Variants in ADAMTS17 observed in about 807,000 individuals in gnomAD.
ADAMTS17 encodes ADAM metallopeptidase with thrombospondin type 1 motif 17, also known as A disintegrin and metalloproteinase with thrombospondin motifs 17.
Under a neutral mutation model 141.5 loss-of-function variants are expected in ADAMTS17, and 113 were observed. That is an observed-to-expected ratio of 0.80 (90% CI 0.69 to 0.93). ADAMTS17 has a LOEUF of 0.93. ADAMTS17 is among the 40% of genes least tolerant of loss of function. ADAMTS17 has a pLI of 0.00. For synonymous variants in ADAMTS17, 768 were observed against 630.6 expected (o/e 1.22, Z -3.27); for missense variants, 1,659 against 1,517.9 (o/e 1.09, Z -1.54).
chr15:99,988,511 C>T (rs2060633460), intron 20 of ADAMTS17, among the ~76,000 whole-genome samples: 1 of 152,206 alleles, frequency 6.6e-6, no homozygotes, highest in Non-Finnish European at 1.5e-5. Flanking sequence ...CTCAGGCATT[C>T]CTTCACAGCA....
Position 100,061,578 on chromosome 15 carries a change from G to A in ADAMTS17, c.2138-7524C>T, listed in dbSNP as rs143924975. On this transcript the variant is annotated intron_variant, in intron 15 of 21. Coordinates refer to ENST00000268070, the MANE Select transcript of ADAMTS17 (RefSeq NM_139057.4). ...AGGTCCATTTGTGCCACAGGAATGG[G>A]AAGTTGAGGAGTGATCCAAAGGATT... Among the ~76,000 whole-genome samples, 721 of 152,288 alleles carry A rather than the reference G, an allele frequency of 4.7e-3. 5 individuals are homozygous for A. The highest frequency in any genetic ancestry group is 7.8e-3 in the Non-Finnish European group (530 of 68,010).
chr15:100,143,638 C>G, intron 10 of ADAMTS17, among the ~76,000 whole-genome samples: 1 of 152,184 alleles, frequency 6.6e-6, no homozygotes, highest in East Asian at 1.9e-4. Flanking sequence ...CCATAGACAG[C>G]TTTGAGCCTT....
At chr15:100,186,170 G>A (rs1464679778) in intron 8 of ADAMTS17, among the ~76,000 whole-genome samples, 1 of 152,134 alleles carries the variant, frequency 6.6e-6, no homozygotes, top group African/African-American at 2.4e-5. Context: ...ATACTCGCTG[G>A]CAGTGATACT....
intron 11 of ADAMTS17, among the ~76,000 whole-genome samples, chr15:100,132,776 A>G (rs1342681127): frequency 6.6e-6 from 1 of 152,032 alleles, no homozygotes; most frequent in Non-Finnish European, 1.5e-5. Context: ...GATCCCGAAC[A>G]CCCCTTCTCT....
rs1454550957 is a variant in ADAMTS17, at chr15:100,341,341, G to A, written c.148C>T (p.Leu50=). The A allele has an allele frequency of 4.9e-6, 5 of 1,021,014 alleles. No individual in the cohort carries two copies. The highest frequency in any genetic ancestry group is 1.2e-6 in the Non-Finnish European group (1 of 855,530). The allele number at this position is 1,021,014 out of a possible 1,614,324, so 63.2% of individuals were successfully genotyped here. Residue 50 remains leucine (L), a synonymous_variant, in exon 2 of 22, where the codon CTG becomes TTG. Coordinates refer to ENST00000268070, the MANE Select transcript of ADAMTS17 (RefSeq NM_139057.4). ...CCGGGGGCTGCGGGCAGCGGCGGCA[G>A]GTGCACGTCGTCGGGGCGCACCCGC... ...PWRVRPDDVH[L]PPLPAAPGPR...
At chr15:100,333,727 T>C (rs1186803810) in intron 2 of ADAMTS17, among the ~76,000 whole-genome samples, 1 of 152,200 alleles carries the variant, frequency 6.6e-6, no homozygotes, top group Non-Finnish European at 1.5e-5. Context: ...TCACCATCTA[T>C]GCGGGGAAGG....
chr15:100,012,825 C>T (rs1222599223), intron 18 of ADAMTS17, among the ~76,000 whole-genome samples: 3 of 152,136 alleles, frequency 2.0e-5, no homozygotes, highest in Non-Finnish European at 4.4e-5. Context: ...TGTGATGCCT[C>T]CAGATTTGTT....
intron 20 of ADAMTS17, among the ~76,000 whole-genome samples, chr15:99,978,048 G>C (rs919261633): frequency 6.6e-6 from 1 of 152,224 alleles, no homozygotes; most frequent in Non-Finnish European, 1.5e-5. Flanking sequence ...CTTGTTCTCT[G>C]AATGCCACAC....
chr15:99,976,675 A>G, intron 20 of ADAMTS17: 1 of 244,324 alleles, frequency 4.1e-6, no homozygotes, highest in Non-Finnish European at 8.1e-6. Context: ...AGGGAAAGAG[A>G]CCCGAGCTTG....
At chr15:100,194,793 C>T (rs1006314053) in intron 8 of ADAMTS17, among the ~76,000 whole-genome samples, 2 of 152,206 alleles carry the variant, frequency 1.3e-5, no homozygotes, top group Non-Finnish European at 2.9e-5. Context: ...GGCGTGTCAT[C>T]CCAGCTGGGC....
intron 15 of ADAMTS17, among the ~76,000 whole-genome samples, chr15:100,075,542 T>A (rs563628368): frequency 3.2e-4 from 49 of 152,332 alleles, no homozygotes; most frequent in Admixed American, 3.2e-3. Context: ...TGAGGACTGC[T>A]GGTTACTGCC....
At chr15:100,326,384 C>T (rs932393984) in intron 3 of ADAMTS17, among the ~76,000 whole-genome samples, 12 of 152,146 alleles carry the variant, frequency 7.9e-5, no homozygotes, top group Non-Finnish European at 1.3e-4. Context: ...GGGAGAGCTA[C>T]GGTCTCAAAG....
intron 15 of ADAMTS17, among the ~76,000 whole-genome samples, chr15:100,092,131 C>T (rs2035506893): frequency 6.6e-6 from 1 of 152,198 alleles, no homozygotes; most frequent in Non-Finnish European, 1.5e-5. Context: ...GTATTTTCTG[C>T]CAGAGCACAC....
intron 18 of ADAMTS17, among the ~76,000 whole-genome samples, chr15:100,046,288 A>G (rs2031678862): frequency 6.6e-6 from 1 of 152,214 alleles, no homozygotes; most frequent in Non-Finnish European, 1.5e-5. Context: ...TACAGGAAGC[A>G]GAATCCTTTA....
At chr15:100,108,437 G>A (rs1210546840) in intron 14 of ADAMTS17, among the ~76,000 whole-genome samples, 1 of 152,170 alleles carries the variant, frequency 6.6e-6, no homozygotes, top group African/African-American at 2.4e-5. Context: ...GCCTCCCAAA[G>A]TGCTGGGATT....
chr15:100,007,815 G>A (rs574356296), intron 18 of ADAMTS17, among the ~76,000 whole-genome samples: 2 of 152,220 alleles, frequency 1.3e-5, no homozygotes, highest in East Asian at 3.9e-4. Context: ...TGGAGACATA[G>A]GGCTGGAAAG....
intron 4 of ADAMTS17, among the ~76,000 whole-genome samples, chr15:100,265,747 A>G (rs2043691307): frequency 6.6e-6 from 1 of 152,172 alleles, no homozygotes; most frequent in African/African-American, 2.4e-5. Flanking sequence ...GGTTGCATAC[A>G]CTGCTATTAA....
intron 15 of ADAMTS17, among the ~76,000 whole-genome samples, chr15:100,092,073 T>C (rs2035503684): frequency 6.6e-6 from 1 of 152,208 alleles, no homozygotes; most frequent in African/African-American, 2.4e-5. Flanking sequence ...TGAAAACTTT[T>C]CTATGGAAGA....
At position 100,199,307 on chromosome 15, in the gene ADAMTS17, C is replaced by T. The variant is rs760148990; in HGVS notation, c.1181+11G>A. 4.3e-6 allele frequency: 7 copies of T among 1,611,684 alleles called. No individual in the cohort carries two copies. Among genetic ancestry groups the T allele is most frequent in the Non-Finnish European group, 5.9e-6 (7 of 1,177,842 alleles). On this transcript the variant is annotated intron_variant, in intron 8 of 21. Coordinates refer to ENST00000268070, the MANE Select transcript of ADAMTS17 (RefSeq NM_139057.4). ...GAAAGAAAACAGGACGACACAGAGT[C>T]TGATACTTACTTGTGGCCCAGCTCA...
Sources: gnomAD v4.1 joint callset for allele counts (sites outside exome capture counted in the v4.1 genomes callset) on GRCh38, gnomAD v4.1.1 for gene constraint, MANE v1.5 for transcripts, NCBI Gene and HGNC (gene_info 2026-07-23, HGNC 2026-07-21) for gene names.